Variants in TRIO observed in about 807,000 individuals in gnomAD.
The protein encoded by TRIO is trio Rho guanine nucleotide exchange factor, also known as triple functional domain protein.
Under a neutral mutation model 351.9 loss-of-function variants are expected in TRIO, and 58 were observed. The ratio of observed to expected loss-of-function variants is 0.16; its 90% CI spans 0.13 to 0.21. The LOEUF is 0.21. TRIO is among the 10% of genes least tolerant of loss of function. The pLI is 1.00. For missense variants in TRIO, 3,201 were observed against 4,027.8 expected, an observed-to-expected ratio of 0.79 and a Z score of 5.56; for synonymous variants, 1,758 against 1,595.7, an observed-to-expected ratio of 1.10 and a Z score of -2.42.
At chr5:14,310,672 T>G (rs917125476) in intron 8 of TRIO, among the ~76,000 whole-genome samples, 3 of 152,220 alleles carry the variant, frequency 2.0e-5, no homozygotes, top group Admixed American at 1.3e-4. Context: ...GGAAGCTCAG[T>G]TCCCTTGCGG....
At chr5:14,448,988 A>G (rs910299320) in intron 34 of TRIO, among the ~76,000 whole-genome samples, 27 of 152,210 alleles carry the variant, frequency 1.8e-4, no homozygotes, top group Non-Finnish European at 3.4e-4. Flanking sequence ...AAATGGCCCT[A>G]TCATTTCAAG....
intron 21 of TRIO, among the ~76,000 whole-genome samples, chr5:14,387,114 C>A (rs548473576): frequency 6.6e-6 from 1 of 152,358 alleles, no homozygotes; most frequent in Admixed American, 6.5e-5. Flanking sequence ...ATTGTGAAGA[C>A]CGCGTTCTTC....
intron 2 of TRIO, among the ~76,000 whole-genome samples, chr5:14,275,048 C>A (rs1735378534): frequency 6.6e-6 from 1 of 152,068 alleles, no homozygotes; most frequent in African/African-American, 2.4e-5. Context: ...TGGGGGAAAA[C>A]ACACACACGC....
intron 1 of TRIO, among the ~76,000 whole-genome samples, chr5:14,263,309 A>G (rs73751321): frequency 0.12 from 17,522 of 152,112 alleles, 1,361 homozygotes; most frequent in African/African-American, 0.21. Context: ...AGGTTTTCAG[A>G]TAATTAGTTT....
intron 6 of TRIO, among the ~76,000 whole-genome samples, chr5:14,293,704 G>A (rs1359365868): frequency 6.6e-6 from 1 of 152,190 alleles, no homozygotes; most frequent in Non-Finnish European, 1.5e-5. Context: ...GATCTTAGAG[G>A]CCAGATAGGG....
At position 14,323,345 on chromosome 5, in the gene TRIO, T is replaced by G. The variant is rs17303573; in HGVS notation, c.1731+6602T>G. ...GCACCGAGAACCTCTTGGTGTTTTT[T>G]CTGTGTCACCGCTCTGGGTCTGAGG... is the stretch of plus-strand genomic sequence containing the variant. On this transcript the variant is annotated intron_variant, in intron 9 of 56. Transcript: ENST00000344204. Among the ~76,000 whole-genome samples, 751 of 152,224 alleles carry G rather than the reference T, an allele frequency of 4.9e-3. 1 individual carries two copies. The highest frequency in any genetic ancestry group is 7.8e-3 in the Non-Finnish European group (532 of 68,010).
At chr5:14,381,277 A>C (rs1295339735) in intron 21 of TRIO, 25 bp downstream of exon 21, 1 of 1,575,630 alleles carries the variant, frequency 6.3e-7, no homozygotes. Flanking sequence ...TACTTTGTAT[A>C]GTGGCCTCTA....
At chr5:14,463,457 G>A (rs2126510989) in intron 36 of TRIO, among the ~76,000 whole-genome samples, 1 of 152,334 alleles carries the variant, frequency 6.6e-6, no homozygotes, top group Non-Finnish European at 1.5e-5. Context: ...GGAATCAGTT[G>A]AAAGCTCTTT....
chr5:14,290,683 C>G (rs1736829621), intron 4 of TRIO, 33 bp from the exon 5 acceptor site: 1 of 1,549,550 alleles, frequency 6.5e-7, no homozygotes, highest in Non-Finnish European at 8.7e-7. Context: ...AAAATTGGTT[C>G]ATCTTCTCAT....
At chr5:14,315,963 G>C (rs923755187) in intron 8 of TRIO, among the ~76,000 whole-genome samples, 8 of 152,136 alleles carry the variant, frequency 5.3e-5, no homozygotes, top group African/African-American at 1.9e-4. Context: ...CTTTTGTGAA[G>C]TTAAATTGCT....
At chr5:14,154,811 G>A (rs1788013510) in intron 1 of TRIO, among the ~76,000 whole-genome samples, 1 of 152,150 alleles carries the variant, frequency 6.6e-6, no homozygotes, top group Admixed American at 6.5e-5. Flanking sequence ...TAATCAGAAG[G>A]TAGATTGTGC....
At position 14,487,517 on chromosome 5, in the gene TRIO, G is replaced by GGCGGCAGCGGGGGCA; in HGVS notation, c.6895_6909dup (p.Ser2299_Gly2303dup). ...GAACCACAGCGGGGGCGGCGGCGGCGGCGGCAGCGGGGGCAGCGGCGGGGG... is the reference window on the plus strand; with the variant it reads ...GAACCACAGCGGGGGCGGCGGCGGCGGCGGCAGCGGGGGCAGCGGCAGCGGGGGCAGCGGCGGGGG... On this transcript the variant is annotated inframe_insertion, in exon 48 of 57. Transcript: ENST00000344204. 6.6e-6 allele frequency: 7 copies of GGCGGCAGCGGGGGCA among 1,068,472 alleles called. No individual in the cohort carries two copies. Among genetic ancestry groups the GGCGGCAGCGGGGGCA allele is most frequent in the Non-Finnish European group, 8.0e-6 (7 of 871,552 alleles). The allele number at this position is 1,068,472 out of a possible 1,614,324, so 66.2% of individuals were successfully genotyped here.
intron 1 of TRIO, among the ~76,000 whole-genome samples, chr5:14,182,443 T>A (rs1052722172): frequency 7.9e-5 from 12 of 152,224 alleles, no homozygotes; most frequent in African/African-American, 2.9e-4. Context: ...AATAGCAAAG[T>A]TTTAGAAATG....
chr5:14,340,440 T>C (rs553890485), intron 11 of TRIO, among the ~76,000 whole-genome samples: 1 of 152,260 alleles, frequency 6.6e-6, no homozygotes, highest in East Asian at 1.9e-4. Context: ...CTTTTTCATT[T>C]AGGCAAATTC....
chr5:14,465,251 C>T (rs987633322), intron 36 of TRIO, among the ~76,000 whole-genome samples: 3 of 152,216 alleles, frequency 2.0e-5, no homozygotes, highest in East Asian at 3.9e-4. Context: ...TAGAACGTTC[C>T]CTTGCCTAGT....
intron 1 of TRIO, among the ~76,000 whole-genome samples, chr5:14,191,534 T>TAAACA (rs1790457830): frequency 7.4e-6 from 1 of 135,230 alleles, no homozygotes; most frequent in African/African-American, 2.8e-5. Flanking sequence ...CCTGTTTCTT[T>TAAACA]AAAAAAAAAA....
intron 1 of TRIO, among the ~76,000 whole-genome samples, chr5:14,256,622 C>A (rs1227958130): frequency 6.6e-6 from 1 of 152,212 alleles, no homozygotes; most frequent in African/African-American, 2.4e-5. Context: ...CTGAGACTTT[C>A]ATTTTAGTAG....
chr5:14,190,767 A>G (rs984418388), intron 1 of TRIO, among the ~76,000 whole-genome samples: 12 of 152,236 alleles, frequency 7.9e-5, no homozygotes, highest in Admixed American at 2.0e-4. Context: ...AAATTAAAAA[A>G]AAATCCACCT....
intron 1 of TRIO, among the ~76,000 whole-genome samples, chr5:14,153,049 C>T (rs564489083): frequency 6.6e-6 from 1 of 152,334 alleles, no homozygotes; most frequent in Non-Finnish European, 1.5e-5. Flanking sequence ...TCTGAATTCT[C>T]ATAAGGTTCA....
Sources: gnomAD v4.1 joint callset for allele counts (sites outside exome capture counted in the v4.1 genomes callset) on GRCh38, gnomAD v4.1.1 for gene constraint, MANE v1.5 for transcripts, NCBI Gene and HGNC (gene_info 2026-07-23, HGNC 2026-07-21) for gene names.